Variants in FSTL4 observed in about 807,000 individuals in gnomAD.
FSTL4 encodes the protein follistatin like 4.
In FSTL4, 28 loss-of-function variants were observed where a neutral mutation model predicts 78.2. The ratio of observed to expected loss-of-function variants is 0.36; its 90% CI spans 0.27 to 0.49. FSTL4 has a LOEUF of 0.49. Among genes scored for constraint, FSTL4 ranks in the 20% least tolerant of loss-of-function variants. FSTL4 has a pLI of 0.98. For synonymous variants in FSTL4, 422 were observed against 440.5 expected, an observed-to-expected ratio of 0.96 and a Z score of 0.53; for missense variants, 922 against 1,084.9, an observed-to-expected ratio of 0.85 and a Z score of 2.11.
intron 3 of FSTL4, among the ~76,000 whole-genome samples, chr5:133,484,994 A>G (rs1344316407): frequency 6.6e-6 from 1 of 152,224 alleles, no homozygotes; most frequent in Admixed American, 6.5e-5. Flanking sequence ...CATGGTTTGA[A>G]GGGTAACTTC....
rs147514463 is a variant in FSTL4 at position 133,295,316 on chromosome 5, C to T, written c.727+17338G>A. 4.2e-3 allele frequency among the ~76,000 whole-genome samples: 636 copies of T among 152,200 alleles called. 5 individuals carry two copies. Among genetic ancestry groups the T allele is most frequent in the African/African-American group, 0.015 (613 of 41,520 alleles). On this transcript the variant is annotated intron_variant, in intron 6 of 15. Coordinates refer to ENST00000265342, the MANE Select transcript of FSTL4 (RefSeq NM_015082.2). ...GCCGCCCATCCATCTAAGACAATCCCCAACCTGGGCCCTGGATTCCACCTC... is the reference window on the plus strand; with the variant it reads ...GCCGCCCATCCATCTAAGACAATCCTCAACCTGGGCCCTGGATTCCACCTC...
At chr5:133,709,515 C>G in the FSTL4 span, among the ~76,000 whole-genome samples, 2 of 152,364 alleles carry the variant, frequency 1.3e-5, no homozygotes, top group African/African-American at 4.8e-5. Context: ...GTTTATTTTC[C>G]CTAATGAAAA....
At chr5:133,289,686 C>A (rs998983617) in intron 6 of FSTL4, among the ~76,000 whole-genome samples, 4 of 152,232 alleles carry the variant, frequency 2.6e-5, no homozygotes, top group African/African-American at 7.2e-5. Context: ...AGTCCTGCAG[C>A]CTGTCCTGGC....
At chr5:133,631,670 A>G in the FSTL4 span, among the ~76,000 whole-genome samples, 1 of 152,230 alleles carries the variant, frequency 6.6e-6, no homozygotes, top group Admixed American at 6.5e-5. Flanking sequence ...AGGATTATAA[A>G]TCATTCTACT....
chr5:133,316,424 T>G, intron 5 of FSTL4, 35 bp downstream of exon 5: 1 of 1,562,502 alleles, frequency 6.4e-7, no homozygotes, highest in Non-Finnish European at 8.8e-7. Flanking sequence ...ACTGGATTCC[T>G]CCATCATGTG....
intron 4 of FSTL4, among the ~76,000 whole-genome samples, chr5:133,379,628 A>G (rs951816792): frequency 2.0e-5 from 3 of 152,258 alleles, no homozygotes; most frequent in Non-Finnish European, 4.4e-5. Context: ...TGGAAATTAA[A>G]CAACACACAC....
Position 133,504,466 on chromosome 5 carries a change from A to G in FSTL4, c.160+62720T>C, listed in dbSNP as rs140129939. ...GTAGTTTCCTAACTCAGCCTCCATA[A>G]TCCCCATTTTTTACAACAGAATAAT... On this transcript the variant is annotated intron_variant, in intron 3 of 15. Coordinates refer to ENST00000265342, the MANE Select transcript of FSTL4 (RefSeq NM_015082.2). 8.8e-3 allele frequency among the ~76,000 whole-genome samples: 1,338 copies of G among 152,186 alleles called. 15 individuals carry two copies. Among genetic ancestry groups the G allele is most frequent in the Middle Eastern group, 0.058 (17 of 294 alleles).
intron 3 of FSTL4, among the ~76,000 whole-genome samples, chr5:133,485,487 A>C (rs1758115119): frequency 6.6e-6 from 1 of 152,394 alleles, no homozygotes; most frequent in East Asian, 1.9e-4. Context: ...ATTTCAGTAC[A>C]TGCAGCAACT....
rs748436501 is a variant in FSTL4, at chr5:133,316,498, T to C, written c.564A>G (p.Ala188=). The change falls in exon 5 of 16, where the codon GCA becomes GCG. Residue 188 remains alanine, a synonymous_variant. Coordinates refer to ENST00000265342, the MANE Select transcript of FSTL4 (RefSeq NM_015082.2). ...LVESLFRDLD[A]DGNGHLSSSE... is the part of the protein sequence containing the mutation. Reference sequence around the variant, plus strand: ...AGCTGCTGAGGTGGCCATTGCCATCTGCATCTAAGTCCCTGAACAGAGATT... The same window carrying C: ...AGCTGCTGAGGTGGCCATTGCCATCCGCATCTAAGTCCCTGAACAGAGATT... The C allele has an allele frequency of 6.2e-7, 1 of 1,614,106 alleles. No homozygotes were observed.
chr5:133,387,274 G>A (rs1283942658), intron 4 of FSTL4, among the ~76,000 whole-genome samples: 5 of 152,186 alleles, frequency 3.3e-5, no homozygotes, highest in South Asian at 2.1e-4. Flanking sequence ...TACTGGTGCC[G>A]TCATTTACAA....
At position 133,432,158 on chromosome 5, in the gene FSTL4, TA is replaced by T. The variant is rs533432074; in HGVS notation, c.161-31173del. Among the ~76,000 whole-genome samples, 6 of 151,944 alleles carry T rather than the reference TA, an allele frequency of 3.9e-5. No individual in the cohort carries two copies. In the East Asian group the frequency reaches 5.8e-4, roughly 15 times the overall value. On this transcript the variant is annotated intron_variant, in intron 3 of 15. Coordinates refer to ENST00000265342, the MANE Select transcript of FSTL4 (RefSeq NM_015082.2). The stretch of plus-strand genomic sequence containing the variant: ...AGGGCAAGACTGGTTTCATTATCTT[TA>T]AAAAAAATAGATTAGAAAACAGAGG...
At chr5:133,643,895 A>G in the FSTL4 span, among the ~76,000 whole-genome samples, 11 of 152,332 alleles carry the variant, frequency 7.2e-5, no homozygotes, top group East Asian at 1.9e-3. Context: ...TCGGGAGAGG[A>G]TGAAACAGCA....
intron 3 of FSTL4, among the ~76,000 whole-genome samples, chr5:133,524,491 G>C (rs1047022434): frequency 6.6e-6 from 1 of 152,118 alleles, no homozygotes; most frequent in African/African-American, 2.4e-5. Context: ...CCATTTGCCC[G>C]TGTGTCACTT....
At chr5:133,715,776 G>A in the FSTL4 span, among the ~76,000 whole-genome samples, 27 of 152,258 alleles carry the variant, frequency 1.8e-4, no homozygotes, top group African/African-American at 6.0e-4. Flanking sequence ...AATGCCTTGC[G>A]AAATCCCAAA....
chr5:133,571,795 A>C (rs183471848), intron 2 of FSTL4, among the ~76,000 whole-genome samples: 1 of 152,314 alleles, frequency 6.6e-6, no homozygotes, highest in East Asian at 1.9e-4. Context: ...ACAACTGAAG[A>C]AAGGAATAGT....
the FSTL4 span, among the ~76,000 whole-genome samples, chr5:133,667,479 C>T: frequency 3.7e-4 from 56 of 152,180 alleles, 1 homozygote; most frequent in African/African-American, 1.3e-3. Flanking sequence ...AGTGTTAAAA[C>T]AAAGTCCTTT....
At chr5:133,386,783 T>G (rs902334296) in intron 4 of FSTL4, among the ~76,000 whole-genome samples, 1 of 152,134 alleles carries the variant, frequency 6.6e-6, no homozygotes, top group East Asian at 1.9e-4. Flanking sequence ...TTTTTCTTCC[T>G]GTGCAACGAA....
intron 3 of FSTL4, among the ~76,000 whole-genome samples, chr5:133,514,932 T>A (rs1005601032): frequency 1.3e-5 from 2 of 152,210 alleles, no homozygotes; most frequent in African/African-American, 4.8e-5. Flanking sequence ...AGTAATACTT[T>A]GTATTCTTGG....
intron 3 of FSTL4, among the ~76,000 whole-genome samples, chr5:133,527,559 T>G (rs1439224653): frequency 1.3e-5 from 2 of 152,160 alleles, no homozygotes; most frequent in Non-Finnish European, 2.9e-5. Flanking sequence ...AGACATAAAA[T>G]GCTGTTAAAC....
Sources: gnomAD v4.1 joint callset for allele counts (sites outside exome capture counted in the v4.1 genomes callset) on GRCh38, gnomAD v4.1.1 for gene constraint, MANE v1.5 for transcripts, NCBI Gene and HGNC (gene_info 2026-07-23, HGNC 2026-07-21) for gene names.